TAS2R1: variants seen among roughly 807,000 people sequenced by gnomAD.
TAS2R1 encodes the protein taste receptor type 2 member 1.
For missense variants in TAS2R1, 370 were observed against 353.4 expected (o/e 1.05, Z -0.38); for synonymous variants, 141 against 134.2 (o/e 1.05, Z -0.35).
chr5:9,825,152 C>T, the TAS2R1 span, among the ~76,000 whole-genome samples: 1 of 152,176 alleles, frequency 6.6e-6, no homozygotes, highest in East Asian at 1.9e-4. Context: ...ACTATCATTT[C>T]CTTTCTACTT....
At chr5:9,871,030 T>C in the TAS2R1 span, among the ~76,000 whole-genome samples, 2 of 152,248 alleles carry the variant, frequency 1.3e-5, no homozygotes, top group South Asian at 2.1e-4. Context: ...TAATGCAGGG[T>C]TTGAATCACC....
chr5:9,897,409 G>A, the TAS2R1 span, among the ~76,000 whole-genome samples: 67 of 152,214 alleles, frequency 4.4e-4, no homozygotes, highest in East Asian at 7.7e-4. Context: ...AGATCACGCC[G>A]CTGCACTCCA....
the TAS2R1 span, among the ~76,000 whole-genome samples, chr5:9,871,057 C>A: frequency 1.3e-5 from 2 of 152,206 alleles, no homozygotes; most frequent in African/African-American, 4.8e-5. Flanking sequence ...CTGGATCAGC[C>A]TGTCTCTGTT....
At chr5:9,663,343 G>A (rs1579773406) in intron 1 of TAS2R1, among the ~76,000 whole-genome samples, 1 of 152,188 alleles carries the variant, frequency 6.6e-6, no homozygotes, top group South Asian at 2.1e-4. Context: ...TATTTTAATT[G>A]TATTATATTT....
At chr5:9,801,951 G>A in the TAS2R1 span, among the ~76,000 whole-genome samples, 1 of 152,226 alleles carries the variant, frequency 6.6e-6, no homozygotes, top group East Asian at 1.9e-4. Flanking sequence ...CTACCCACCC[G>A]GGTAGCTGAA....
chr5:9,730,056 T>C, the TAS2R1 span, among the ~76,000 whole-genome samples: 2 of 146,104 alleles, frequency 1.4e-5, no homozygotes, highest in African/African-American at 2.8e-5. Context: ...CTCATTTTTA[T>C]TTTTTAAATA....
chr5:9,726,479 G>A, the TAS2R1 span, among the ~76,000 whole-genome samples: 166 of 152,238 alleles, frequency 1.1e-3, no homozygotes, highest in African/African-American at 3.8e-3. Context: ...TGGAAGCTTA[G>A]TTCTTTCACT....
intron 2 of TAS2R1, among the ~76,000 whole-genome samples, chr5:9,654,257 A>G (rs1740365185): frequency 6.6e-6 from 1 of 152,172 alleles, no homozygotes; most frequent in Admixed American, 6.5e-5. Flanking sequence ...AATAATACCT[A>G]GTGCTTTTTT....
chr5:9,647,622 T>TA (rs1254909322), intron 2 of TAS2R1, among the ~76,000 whole-genome samples: 1 of 152,144 alleles, frequency 6.6e-6, no homozygotes, highest in Non-Finnish European at 1.5e-5. Context: ...TAAATTACAA[T>TA]AGTAGTATAT....
the TAS2R1 span, among the ~76,000 whole-genome samples, chr5:9,726,725 G>C: frequency 6.6e-6 from 1 of 152,200 alleles, no homozygotes; most frequent in Non-Finnish European, 1.5e-5. Flanking sequence ...AAGTCAGTGA[G>C]ACCAAGAACC....
In TAS2R1 at chr5:9,627,973, T is replaced by C. The variant is rs527311312; in HGVS notation, c.*1160A>G. Among the ~76,000 whole-genome samples the C allele has an allele frequency of 6.6e-6, 1 of 152,268 alleles. No individual in the cohort carries two copies. Among genetic ancestry groups the C allele is most frequent in the African/African-American group, 2.4e-5 (1 of 41,544 alleles). ...GTATTTGGGTTCCTATTACTGGTGA[T>C]TGAAAAATCTAAACCTAAACCTGCT... On this transcript the variant is annotated 3_prime_UTR_variant, in exon 1 of 1. Coordinates refer to ENST00000382492, the MANE Select transcript of TAS2R1 (RefSeq NM_019599.3).
At chr5:9,889,551 T>G in the TAS2R1 span, 1 of 152,202 alleles carries the variant, frequency 6.6e-6, no homozygotes, top group Admixed American at 6.5e-5. Context: ...GGGGGTTTTT[T>G]GCTCACTGTT....
chr5:9,752,418 A>T, the TAS2R1 span, among the ~76,000 whole-genome samples: 1 of 152,014 alleles, frequency 6.6e-6, no homozygotes, highest in African/African-American at 2.4e-5. Context: ...CTTTCCTAAC[A>T]CCTAAATGTC....
the TAS2R1 span, among the ~76,000 whole-genome samples, chr5:9,745,072 A>G: frequency 6.6e-6 from 1 of 152,196 alleles, no homozygotes; most frequent in African/African-American, 2.4e-5. Context: ...AAGAGAATGA[A>G]TTGGTGGAAA....
the TAS2R1 span, among the ~76,000 whole-genome samples, chr5:9,899,323 T>C: frequency 6.7e-3 from 1,018 of 152,196 alleles, 10 homozygotes; most frequent in African/African-American, 0.023. Flanking sequence ...TCCCTCTCAA[T>C]TTGAACACAA....
chr5:9,897,455 C>CA, the TAS2R1 span, among the ~76,000 whole-genome samples: 4 of 151,976 alleles, frequency 2.6e-5, no homozygotes, highest in African/African-American at 4.8e-5. Flanking sequence ...TCTCAAAAAA[C>CA]AAAAAAACAA....
intron 2 of TAS2R1, among the ~76,000 whole-genome samples, chr5:9,656,403 A>G (rs1347448040): frequency 1.3e-5 from 2 of 152,184 alleles, no homozygotes; most frequent in South Asian, 2.1e-4. Context: ...ATTGGCACAC[A>G]TGATTACGTC....
chr5:9,727,944 AG>A, the TAS2R1 span, among the ~76,000 whole-genome samples: 1 of 152,222 alleles, frequency 6.6e-6, no homozygotes, highest in African/African-American at 2.4e-5. Context: ...GTATGAATGC[AG>A]GGCAGTCGCC....
the TAS2R1 span, among the ~76,000 whole-genome samples, chr5:9,844,684 T>C: frequency 1.3e-5 from 2 of 152,186 alleles, no homozygotes; most frequent in Non-Finnish European, 2.9e-5. Context: ...CATTGTATCC[T>C]AATTAGCTAT....
Sources: allele counts gnomAD v4.1 joint callset (sites outside exome capture counted in the v4.1 genomes callset), GRCh38; gene constraint gnomAD v4.1.1; transcripts MANE v1.5; gene names NCBI Gene and HGNC (gene_info 2026-07-23, HGNC 2026-07-21).